The following DLGAP1 variants were observed in gnomAD, a reference collection of about 807,000 sequenced individuals.
DLGAP1 encodes the protein disks large-associated protein 1.
Under a neutral mutation model 90.8 loss-of-function variants are expected in DLGAP1, and 11 were observed. That is an observed-to-expected ratio of 0.12 (90% CI 0.08 to 0.20). DLGAP1 has a LOEUF of 0.20. DLGAP1 is among the 10% of genes least tolerant of loss of function. The pLI is 1.00. For missense variants in DLGAP1, 1,050 were observed against 1,333.8 expected (o/e 0.79, Z 3.31); for synonymous variants, 558 against 540.7 (o/e 1.03, Z -0.44).
intron 1 of DLGAP1, among the ~76,000 whole-genome samples, chr18:4,206,636 G>C (rs990878882): frequency 6.6e-6 from 1 of 152,124 alleles, no homozygotes; most frequent in African/African-American, 2.4e-5. Flanking sequence ...CCTTGCATAC[G>C]ACAGTTAAAA....
intron 1 of DLGAP1, among the ~76,000 whole-genome samples, chr18:4,292,877 A>G (rs533201242): frequency 5.3e-5 from 8 of 152,316 alleles, no homozygotes; most frequent in Non-Finnish European, 1.0e-4. Context: ...ATTGATACCT[A>G]GCAGATCCCT....
At chr18:3,803,841 A>G (rs1014614349) in intron 5 of DLGAP1, among the ~76,000 whole-genome samples, 6 of 151,870 alleles carry the variant, frequency 4.0e-5, no homozygotes, top group African/African-American at 1.5e-4. Context: ...CATATGTACT[A>G]AAAACATTTG....
intron 9 of DLGAP1, among the ~76,000 whole-genome samples, chr18:3,566,163 A>C (rs1056266922): frequency 6.6e-6 from 1 of 150,740 alleles, no homozygotes; most frequent in African/African-American, 2.5e-5. Flanking sequence ...TACAATGATA[A>C]ATAATGTTTC....
intron 5 of DLGAP1, among the ~76,000 whole-genome samples, chr18:3,794,353 T>C (rs1307639150): frequency 6.6e-6 from 1 of 152,234 alleles, no homozygotes; most frequent in African/African-American, 2.4e-5. Context: ...CAGTGTGCAT[T>C]ATTGTGATAC....
At chr18:4,071,581 G>A (rs1466991764) in intron 2 of DLGAP1, among the ~76,000 whole-genome samples, 1 of 151,358 alleles carries the variant, frequency 6.6e-6, no homozygotes, top group Admixed American at 6.6e-5. Flanking sequence ...AGCCATCACC[G>A]CATTCTAAGG....
At chr18:4,260,734 T>C (rs2078986808) in intron 1 of DLGAP1, among the ~76,000 whole-genome samples, 1 of 152,160 alleles carries the variant, frequency 6.6e-6, no homozygotes, top group African/African-American at 2.4e-5. Context: ...AATAGGTAAA[T>C]AGCAAAAAGG....
intron 5 of DLGAP1, among the ~76,000 whole-genome samples, chr18:3,768,823 A>G (rs1405216576): frequency 6.6e-6 from 1 of 152,218 alleles, no homozygotes; most frequent in African/African-American, 2.4e-5. Context: ...TAAAACTTTT[A>G]GAAAAAACAT....
chr18:4,277,293 TA>T (rs1230586235), intron 1 of DLGAP1, among the ~76,000 whole-genome samples: 3 of 152,362 alleles, frequency 2.0e-5, no homozygotes, highest in Non-Finnish European at 4.4e-5. Flanking sequence ...TTACTTAACC[TA>T]AAACTTGCTT....
rs116214543 is a variant in DLGAP1 at position 3,530,254 on chromosome 18, A to G, written c.2479+3940T>C. ...GAATCTATCTCTATAAAATTTTTTA[A>G]AAATTAGCCAGGCATGGTGGTGCAC... On this transcript the variant is annotated intron_variant, in intron 10 of 12. Transcript: ENST00000315677. Among the ~76,000 whole-genome samples the G allele has an allele frequency of 9.2e-3, 1,397 of 152,174 alleles. 23 individuals carry two copies. The highest frequency in any genetic ancestry group is 0.031 in the African/African-American group (1,304 of 41,514).
chr18:3,525,677 G>T (rs957625939), intron 10 of DLGAP1, among the ~76,000 whole-genome samples: 2 of 152,206 alleles, frequency 1.3e-5, no homozygotes, highest in Non-Finnish European at 2.9e-5. Flanking sequence ...GGGATTATAG[G>T]CATGAGCCAC....
intron 1 of DLGAP1, among the ~76,000 whole-genome samples, chr18:4,191,940 T>A (rs1489673457): frequency 6.6e-6 from 1 of 152,140 alleles, no homozygotes; most frequent in Admixed American, 6.6e-5. Context: ...CCACCACATA[T>A]ATGCCCAATA....
At chr18:3,509,975 C>A (rs1411639086) in intron 10 of DLGAP1, among the ~76,000 whole-genome samples, 1 of 152,204 alleles carries the variant, frequency 6.6e-6, no homozygotes, top group Admixed American at 6.5e-5. Context: ...CCCCCTCCCT[C>A]CGTGATCTCG....
intron 1 of DLGAP1, among the ~76,000 whole-genome samples, chr18:4,379,559 C>T (rs2082077279): frequency 6.6e-6 from 1 of 152,198 alleles, no homozygotes; most frequent in African/African-American, 2.4e-5. Context: ...CCAATCATTC[C>T]TGAATACATC....
chr18:4,424,767 T>G (rs1189095188), intron 1 of DLGAP1, among the ~76,000 whole-genome samples: 3 of 152,130 alleles, frequency 2.0e-5, no homozygotes, highest in African/African-American at 7.2e-5. Context: ...GATTTTTTTC[T>G]TTTTGTTTTT....
chr18:4,080,893 T>TCC (rs2075597098), intron 2 of DLGAP1, among the ~76,000 whole-genome samples: 2 of 142,454 alleles, frequency 1.4e-5, no homozygotes, highest in African/African-American at 5.8e-5. Flanking sequence ...GAATGCCCTT[T>TCC]TTTTTTTTTT....
rs537372580 is a variant in DLGAP1 at position 4,427,100 on chromosome 18, CAG to C, written c.-267+27904_-267+27905del. Among the ~76,000 whole-genome samples the C allele has an allele frequency of 8.3e-4, 127 of 152,280 alleles. 1 individual carries two copies. Among genetic ancestry groups the C allele is most frequent in the African/African-American group, 2.9e-3 (120 of 41,556 alleles). On this transcript the variant is annotated intron_variant, in intron 1 of 12. Transcript: ENST00000315677. ...CATGAAAACTAAGAAAGAAAACTTTCAGAGTTTTTATCATCTTGTAAACATAA... is the reference window on the plus strand; with the variant it reads ...CATGAAAACTAAGAAAGAAAACTTTCAGTTTTTATCATCTTGTAAACATAA...
intron 1 of DLGAP1, among the ~76,000 whole-genome samples, chr18:4,319,970 C>CA (rs2080636729): frequency 6.6e-6 from 1 of 152,160 alleles, no homozygotes; most frequent in Non-Finnish European, 1.5e-5. Flanking sequence ...CCCCATCCAT[C>CA]ACTTGTCTCC....
rs79318193 is a variant in DLGAP1 at position 4,053,836 on chromosome 18, C to T, written c.-158-48635G>A. Among the ~76,000 whole-genome samples, 19 of 152,120 alleles carry T rather than the reference C, an allele frequency of 1.2e-4. No individual in the cohort carries two copies. In the East Asian group the frequency reaches 3.7e-3, roughly 29 times the overall value. ...TTGTTTCTGGAATTATGGGTAAAAT[C>T]CAGTATTTGGTATCATATAATTAAA... On this transcript the variant is annotated intron_variant, in intron 2 of 12. Coordinates refer to ENST00000315677, the MANE Select transcript of DLGAP1 (RefSeq NM_004746.4).
At chr18:4,011,065 A>G (rs1338984831) in intron 2 of DLGAP1, among the ~76,000 whole-genome samples, 4 of 150,912 alleles carry the variant, frequency 2.7e-5, no homozygotes, top group African/African-American at 9.8e-5. Flanking sequence ...AATCCCTGCT[A>G]CTCGGGAGGC....
Sources: gnomAD v4.1 joint callset for allele counts (sites outside exome capture counted in the v4.1 genomes callset) on GRCh38, gnomAD v4.1.1 for gene constraint, MANE v1.5 for transcripts, NCBI Gene and HGNC (gene_info 2026-07-23, HGNC 2026-07-21) for gene names.